The following SEMA5A variants were observed in gnomAD, a reference collection of about 807,000 sequenced individuals.
SEMA5A encodes semaphorin 5A, also known as semaphorin-5A.
A neutral mutation model predicts 135.5 loss-of-function variants in SEMA5A; 55 were observed. The observed-to-expected ratio is 0.41, with a 90% CI of 0.33 to 0.51. The LOEUF (loss-of-function observed/expected upper bound fraction) is 0.51. Among genes scored for constraint, SEMA5A ranks in the 20% least tolerant of loss-of-function variants. SEMA5A has a pLI of 0.37. For synonymous variants in SEMA5A, 580 were observed against 546.5 expected (o/e 1.06, Z -0.85); for missense variants, 1,290 against 1,419.9 (o/e 0.91, Z 1.47).
chr5:9,449,515 CAT>C (rs1758556752), intron 1 of SEMA5A, among the ~76,000 whole-genome samples: 1 of 151,770 alleles, frequency 6.6e-6, no homozygotes, highest in Non-Finnish European at 1.5e-5. Context: ...CACCATGACA[CAT>C]GTTTACCTCT....
At chr5:9,043,037 A>AT in intron 22 of SEMA5A, 21 bp from the exon 23 acceptor site, 2 of 1,589,838 alleles carry the variant, frequency 1.3e-6, no homozygotes, top group Non-Finnish European at 1.7e-6. Context: ...TATTAAAAAA[A>AT]AACAGGTTTA....
At chr5:9,273,905 T>C (rs373776724) in intron 5 of SEMA5A, among the ~76,000 whole-genome samples, 1 of 152,102 alleles carries the variant, frequency 6.6e-6, no homozygotes, top group Non-Finnish European at 1.5e-5. Flanking sequence ...GTAAAGACCA[T>C]TGATGCTATG....
intron 11 of SEMA5A, among the ~76,000 whole-genome samples, chr5:9,157,839 C>T (rs760974423): frequency 2.6e-5 from 4 of 152,198 alleles, no homozygotes; most frequent in East Asian, 1.9e-4. Flanking sequence ...AGAGACACCC[C>T]GAAAAACCCC....
chr5:9,409,929 A>G (rs753270578), intron 2 of SEMA5A, among the ~76,000 whole-genome samples: 1 of 150,202 alleles, frequency 6.7e-6, no homozygotes, highest in Non-Finnish European at 1.5e-5. Context: ...TATTAAGTAA[A>G]TCTTTTACTG....
chr5:9,275,632 C>A (rs1420532717), intron 5 of SEMA5A, among the ~76,000 whole-genome samples: 1 of 152,162 alleles, frequency 6.6e-6, no homozygotes, highest in Non-Finnish European at 1.5e-5. Context: ...AAAGCTTGTC[C>A]ACCACAATCA....
chr5:9,267,822 G>A (rs979366705), intron 5 of SEMA5A, among the ~76,000 whole-genome samples: 1 of 151,798 alleles, frequency 6.6e-6, no homozygotes, highest in African/African-American at 2.4e-5. Flanking sequence ...TACAGAACAC[G>A]TGGATAACTT....
At chr5:9,376,626 A>G (rs1303840518) in intron 3 of SEMA5A, among the ~76,000 whole-genome samples, 3 of 152,198 alleles carry the variant, frequency 2.0e-5, no homozygotes, top group African/African-American at 7.2e-5. Flanking sequence ...GGAACTGAGC[A>G]TCTTCTTGAT....
chr5:9,069,186 G>A (rs1737640043), intron 16 of SEMA5A, among the ~76,000 whole-genome samples: 1 of 152,176 alleles, frequency 6.6e-6, no homozygotes, highest in Non-Finnish European at 1.5e-5. Flanking sequence ...TAAGCACAGA[G>A]AGCCATTCTT....
At chr5:9,462,206 A>G (rs1759083296) in intron 1 of SEMA5A, among the ~76,000 whole-genome samples, 1 of 152,228 alleles carries the variant, frequency 6.6e-6, no homozygotes, top group Admixed American at 6.5e-5. Context: ...ACACGCAGCC[A>G]AAAAGCACAT....
At chr5:9,237,012 A>G (rs896363085) in intron 6 of SEMA5A, among the ~76,000 whole-genome samples, 3 of 152,124 alleles carry the variant, frequency 2.0e-5, no homozygotes, top group African/African-American at 7.2e-5. Flanking sequence ...TCCCCAAACT[A>G]TTGGTCCTAG....
chr5:9,194,205 C>G (rs1745266609), intron 10 of SEMA5A, among the ~76,000 whole-genome samples: 1 of 152,150 alleles, frequency 6.6e-6, no homozygotes, highest in African/African-American at 2.4e-5. Flanking sequence ...TCTAACAGGG[C>G]AGGGCTCTGA....
intron 16 of SEMA5A, among the ~76,000 whole-genome samples, chr5:9,081,628 T>G (rs1372702020): frequency 6.6e-6 from 1 of 152,160 alleles, no homozygotes; most frequent in East Asian, 1.9e-4. Flanking sequence ...TTTGAGGTGT[T>G]GATGAAAGTC....
At position 9,408,716 on chromosome 5, in the gene SEMA5A, G is replaced by A. The variant is rs144676113; in HGVS notation, c.-77-28693C>T. Among the ~76,000 whole-genome samples, 13 of 152,254 alleles carry A rather than the reference G, an allele frequency of 8.5e-5. No homozygotes were observed. The East Asian group carries it at 2.5e-3, about 29-fold the overall frequency. Reference sequence around the variant, plus strand: ...CTGAGGCAAAGGGACATCAAGAAAGGTGCACAAGTTCACAGAACTAAAATT... The same window carrying A: ...CTGAGGCAAAGGGACATCAAGAAAGATGCACAAGTTCACAGAACTAAAATT... On this transcript the variant is annotated intron_variant, in intron 2 of 22. Transcript: ENST00000382496.
At chr5:9,057,470 A>C (rs188052962) in intron 18 of SEMA5A, among the ~76,000 whole-genome samples, 151 of 152,332 alleles carry the variant, frequency 9.9e-4, no homozygotes, top group African/African-American at 3.6e-3. Flanking sequence ...TGTGTATGTG[A>C]TCTAGTCTAA....
chr5:9,161,300 A>C (rs3846574), intron 11 of SEMA5A, among the ~76,000 whole-genome samples: 1 of 151,764 alleles, frequency 6.6e-6, no homozygotes, highest in Non-Finnish European at 1.5e-5. Context: ...AAAAACCCTC[A>C]AGCACTGAGG....
intron 2 of SEMA5A, among the ~76,000 whole-genome samples, chr5:9,400,931 A>G (rs900030474): frequency 4.6e-5 from 7 of 152,152 alleles, no homozygotes; most frequent in Non-Finnish European, 1.0e-4. Context: ...CATGATTTAT[A>G]TGACTTATTT....
At chr5:9,091,000 T>C (rs545475643) in intron 16 of SEMA5A, among the ~76,000 whole-genome samples, 2 of 152,344 alleles carry the variant, frequency 1.3e-5, no homozygotes, top group East Asian at 3.9e-4. Context: ...TAAGTAGTTA[T>C]GTAGAAAGCT....
chr5:9,477,312 T>C (rs268512), intron 1 of SEMA5A, among the ~76,000 whole-genome samples: 3,048 of 152,248 alleles, frequency 0.02, 103 homozygotes, highest in African/African-American at 0.069. Flanking sequence ...ATACAGGAAA[T>C]CAGTACCAGA....
rs561819345 is a variant in SEMA5A at position 9,108,037 on chromosome 5, T to C, written c.2073+103A>G. ...GAGCCTCTAGTGTGTGCAGAACATT[T>C]ATTGTTTGCAGAACATCTAGTGTGT... On this transcript the variant is annotated intron_variant, in intron 16 of 22. Transcript: ENST00000382496. 3.6e-6 allele frequency: 5 copies of C among 1,404,278 alleles called. No homozygotes were observed. The South Asian group carries it at 5.6e-5, about 16-fold the overall frequency. The allele number at this position is 1,404,278 out of a possible 1,614,324, so 87.0% of individuals were successfully genotyped here.
Sources: gnomAD v4.1 joint callset for allele counts (sites outside exome capture counted in the v4.1 genomes callset) on GRCh38, gnomAD v4.1.1 for gene constraint, MANE v1.5 for transcripts, NCBI Gene and HGNC (gene_info 2026-07-23, HGNC 2026-07-21) for gene names.